The following NEDD4L variants were observed in gnomAD, a reference collection of about 807,000 sequenced individuals.
The protein encoded by NEDD4L is E3 ubiquitin-protein ligase NEDD4-like.
In NEDD4L, 54 loss-of-function variants were observed where a neutral mutation model predicts 148.9. That is an observed-to-expected ratio of 0.36 (90% confidence interval 0.29 to 0.45). The LOEUF is 0.45. Ranked by LOEUF, NEDD4L falls within the 20% of genes least tolerant of loss-of-function variation. The pLI, the probability that NEDD4L is intolerant of heterozygous loss-of-function variation, is 1.00. For missense variants in NEDD4L, 856 were observed against 1,233.8 expected (o/e 0.69, Z 4.59); for synonymous variants, 433 against 440.7 (o/e 0.98, Z 0.22).
At chr18:58,352,619 A>G (rs1163278876) in intron 18 of NEDD4L, among the ~76,000 whole-genome samples, 1 of 152,190 alleles carries the variant, frequency 6.6e-6, no homozygotes, top group East Asian at 1.9e-4. Flanking sequence ...AGATCATACC[A>G]CTGCACTCCA....
At chr18:58,187,872 T>C (rs1158275814) in intron 2 of NEDD4L, among the ~76,000 whole-genome samples, 1 of 151,914 alleles carries the variant, frequency 6.6e-6, no homozygotes, top group Non-Finnish European at 1.5e-5. Flanking sequence ...GGAGAGAGAA[T>C]ATGAATGTGC....
intron 2 of NEDD4L, among the ~76,000 whole-genome samples, chr18:58,185,730 G>A (rs925529613): frequency 9.2e-5 from 14 of 152,042 alleles, no homozygotes; most frequent in Admixed American, 3.9e-4. Flanking sequence ...AAAATTAGCC[G>A]GGTGTGGTGG....
Position 58,256,208 on chromosome 18 carries a change from C to T in NEDD4L, c.297+4154C>T. The T allele has an allele frequency of 1.6e-6, 2 of 1,221,362 alleles. No homozygotes were observed. Among genetic ancestry groups the T allele is most frequent in the Non-Finnish European group, 2.0e-6 (2 of 981,336 alleles). The allele number at this position is 1,221,362 out of a possible 1,614,324, so 75.7% of individuals were successfully genotyped here. ...CTGCGCGGAGGAGGCTGCCCCGGGC[C>T]TGCGCATCCAGCACCGCGCCTCCAG... On this transcript the variant is annotated intron_variant, in intron 5 of 30. Transcript: ENST00000400345. The surrounding 1 kb of genome is among the most constrained non-coding windows in gnomAD (Gnocchi z 5.2).
intron 8 of NEDD4L, 53 bp from the exon 9 acceptor site, chr18:58,324,943 A>T: frequency 6.5e-7 from 1 of 1,528,804 alleles, no homozygotes; most frequent in Non-Finnish European, 9.0e-7. Flanking sequence ...ATGACCTCTT[A>T]CTCACAGCCG....
intron 20 of NEDD4L, among the ~76,000 whole-genome samples, chr18:58,364,823 T>A (rs1315788900): frequency 6.6e-6 from 1 of 152,232 alleles, no homozygotes; most frequent in African/African-American, 2.4e-5. Context: ...TTTCTACTTA[T>A]AATTATCCCT....
chr18:58,068,201 T>G (rs963044739), intron 1 of NEDD4L, among the ~76,000 whole-genome samples: 14 of 121,932 alleles, frequency 1.1e-4, no homozygotes, highest in Non-Finnish European at 2.1e-4. Flanking sequence ...TTTTTTTTTT[T>G]TTTTTTGTTT....
chr18:58,149,415 G>C, intron 1 of NEDD4L: 1 of 1,506,840 alleles, frequency 6.6e-7, no homozygotes, highest in Non-Finnish European at 8.9e-7. Flanking sequence ...TTGTCACCCG[G>C]CAGTGGAAAG....
In NEDD4L at chr18:58,207,814, A is replaced by C. The variant is rs115037453; in HGVS notation, c.123-37613A>C. ...AGGTGGAATTTTGGACCTTTCCCCCAAAAAGTTGACATAACTTAAAGAGAA... is the reference window on the plus strand; with the variant it reads ...AGGTGGAATTTTGGACCTTTCCCCCCAAAAGTTGACATAACTTAAAGAGAA... On this transcript the variant is annotated intron_variant, in intron 2 of 30. Coordinates refer to ENST00000400345, the MANE Select transcript of NEDD4L (RefSeq NM_001144967.3). Among the ~76,000 whole-genome samples the C allele has an allele frequency of 4.4e-3, 664 of 152,288 alleles. 4 individuals are homozygous for C. Among genetic ancestry groups the C allele is most frequent in the African/African-American group, 0.015 (614 of 41,564 alleles).
chr18:58,199,505 G>C (rs1038322725), intron 2 of NEDD4L, among the ~76,000 whole-genome samples: 1 of 152,200 alleles, frequency 6.6e-6, no homozygotes, highest in Non-Finnish European at 1.5e-5. Flanking sequence ...GGAAGACCAG[G>C]CACGGTGGCT....
rs1388246823 is a variant in NEDD4L at position 58,333,854 on chromosome 18, G to A, written c.1027G>A (p.Val343Ile). ...EPSSRLRSCS[V>I]TDAVAEQGHL... ...CTCCTCAAGGTTGAGGTCATGCAGT[G>A]TCACCGACGCAGTTGCAGAACAGGG... is the stretch of plus-strand genomic sequence containing the variant. Residue 343 changes from valine to isoleucine, a missense_variant, in exon 12 of 31, where the codon GTC becomes ATC. By Grantham distance (29) the Val-to-Ile change is conservative. Transcript: ENST00000400345. 4 of 1,613,682 alleles carry A rather than the reference G, an allele frequency of 2.5e-6. No homozygotes were observed. In the Admixed American group the frequency reaches 6.7e-5, roughly 27 times the overall value.
rs1648692555 is a variant in NEDD4L at position 58,221,573 on chromosome 18, T to C, written c.123-23854T>C. The C allele has an allele frequency of 6.1e-6, 6 of 985,318 alleles. No homozygotes were observed. In the South Asian group the frequency reaches 2.8e-4, roughly 46 times the overall value. 61.0% of individuals were successfully genotyped at this position (985,318 alleles called of 1,614,324 possible). Reference sequence around the variant, plus strand: ...GCGAGCTGGGCGCATTCCTTCTCAGTTGTGTTAAAACTTGCTGGTATTCCC... The same window carrying C: ...GCGAGCTGGGCGCATTCCTTCTCAGCTGTGTTAAAACTTGCTGGTATTCCC... On this transcript the variant is annotated intron_variant, in intron 2 of 30. Transcript: ENST00000400345.
intron 5 of NEDD4L, among the ~76,000 whole-genome samples, chr18:58,291,233 C>T (rs1197542754): frequency 6.6e-6 from 1 of 152,166 alleles, no homozygotes; most frequent in Non-Finnish European, 1.5e-5. Flanking sequence ...CACATGGTCA[C>T]ACAGAAAACC....
chr18:58,131,939 T>G (rs2032216770), intron 1 of NEDD4L, among the ~76,000 whole-genome samples: 1 of 152,236 alleles, frequency 6.6e-6, no homozygotes, highest in Non-Finnish European at 1.5e-5. Context: ...AGACATGTTC[T>G]GATGTAAATA....
chr18:58,289,990 G>C (rs2054484767), intron 5 of NEDD4L, among the ~76,000 whole-genome samples: 1 of 152,124 alleles, frequency 6.6e-6, no homozygotes, highest in Non-Finnish European at 1.5e-5. Flanking sequence ...TCCCCATGTA[G>C]CCATGAAAAA....
intron 9 of NEDD4L, among the ~76,000 whole-genome samples, chr18:58,327,958 T>C (rs997441973): frequency 6.6e-6 from 1 of 151,906 alleles, no homozygotes; most frequent in African/African-American, 2.4e-5. Context: ...TTTTTTCTTT[T>C]TTTTTTTGTT....
chr18:58,145,178 C>T (rs997004741), intron 1 of NEDD4L, among the ~76,000 whole-genome samples: 2 of 152,202 alleles, frequency 1.3e-5, no homozygotes, highest in African/African-American at 4.8e-5. Context: ...GGCCCCCTCT[C>T]ATCAGGCCCC....
At chr18:58,193,160 T>C (rs1009967942) in intron 2 of NEDD4L, among the ~76,000 whole-genome samples, 4 of 152,250 alleles carry the variant, frequency 2.6e-5, no homozygotes, top group Admixed American at 2.6e-4. Flanking sequence ...ACTTTATATA[T>C]GAGAATGTAC....
At chr18:58,237,413 T>C (rs2046164797) in intron 2 of NEDD4L, among the ~76,000 whole-genome samples, 1 of 152,232 alleles carries the variant, frequency 6.6e-6, no homozygotes, top group South Asian at 2.1e-4. Context: ...AGCTGTTTTC[T>C]TAACCTCTGG....
intron 9 of NEDD4L, among the ~76,000 whole-genome samples, chr18:58,327,167 G>A (rs943453704): frequency 2.6e-5 from 4 of 152,106 alleles, no homozygotes; most frequent in East Asian, 3.9e-4. Flanking sequence ...GCACCATCTC[G>A]GCTCACTGCA....
Sources: gnomAD v4.1 joint callset for allele counts (sites outside exome capture counted in the v4.1 genomes callset) on GRCh38, gnomAD v4.1.1 for gene constraint, Gnocchi (gnomAD v3.1) non-coding constraint, MANE v1.5 for transcripts, NCBI Gene and HGNC (gene_info 2026-07-23, HGNC 2026-07-21) for gene names.